Variants in THBS4 observed in about 807,000 individuals in gnomAD.
THBS4 encodes the protein thrombospondin-4.
THBS4 carries 90 observed loss-of-function variants against 115.7 expected under a neutral mutation model. The ratio of observed to expected loss-of-function variants is 0.78; its 90% CI spans 0.66 to 0.93. The LOEUF is 0.93. Ranked by LOEUF, THBS4 falls within the 40% of genes least tolerant of loss-of-function variation. The probability of loss-of-function intolerance (pLI) is 0.00; values close to 1 mark genes in which losing one functional copy is unlikely to be tolerated. For synonymous variants in THBS4, 460 were observed against 479.3 expected (o/e 0.96, Z 0.53); for missense variants, 1,087 against 1,232.7 (o/e 0.88, Z 1.77).
chr5:80,038,455 C>A (rs2112025461), intron 1 of THBS4, among the ~76,000 whole-genome samples: 1 of 152,028 alleles, frequency 6.6e-6, no homozygotes, highest in African/African-American at 2.4e-5. Flanking sequence ...AATATAGAAC[C>A]CTTAAGTTGT....
At chr5:80,055,277 G>A (rs529181136) in intron 2 of THBS4, among the ~76,000 whole-genome samples, 53 of 151,410 alleles carry the variant, frequency 3.5e-4, no homozygotes, top group Non-Finnish European at 6.2e-4. Flanking sequence ...AGCTGAGATC[G>A]TCCCACTGCA....
At chr5:80,074,626 CT>C (rs35937190) in intron 15 of THBS4, among the ~76,000 whole-genome samples, 10,045 of 142,378 alleles carry the variant, frequency 0.071, 419 homozygotes, top group Middle Eastern at 0.096. Context: ...CTCTCTCTCT[CT>C]TTTTTTTTTT....
At chr5:80,036,189 G>A (rs1832713269) in intron 1 of THBS4, 1 of 984,922 alleles carries the variant, frequency 1.0e-6, no homozygotes, top group Non-Finnish European at 1.2e-6. Context: ...TAAATAGGAA[G>A]GGCTGAGAAA....
At chr5:80,014,368 G>T (rs1021145263) in intron 2 of THBS4, among the ~76,000 whole-genome samples, 1 of 152,188 alleles carries the variant, frequency 6.6e-6, no homozygotes, top group Non-Finnish European at 1.5e-5. Flanking sequence ...CCCAACAGAG[G>T]TACTGATGAT....
intron 1 of THBS4, among the ~76,000 whole-genome samples, chr5:80,038,985 C>T (rs897445233): frequency 1.3e-5 from 2 of 152,168 alleles, no homozygotes; most frequent in African/African-American, 4.8e-5. Flanking sequence ...TTAGCAACTC[C>T]TGCATCATTA....
intron 4 of THBS4, 104 bp from the exon 5 acceptor site, chr5:80,058,604 G>A (rs150401388): frequency 9.9e-7 from 1 of 1,012,506 alleles, no homozygotes; most frequent in South Asian, 1.4e-5. Context: ...CTGGGTTTTT[G>A]AATCATCTTG....
chr5:80,082,898 C>G (rs1263257831), intron 21 of THBS4, among the ~76,000 whole-genome samples, 182 bp from the exon 22 acceptor site: 1 of 152,264 alleles, frequency 6.6e-6, no homozygotes, highest in Non-Finnish European at 1.5e-5. Context: ...GGAAGGAGCA[C>G]TCCTGGGCTT....
chr5:79,994,878 G>C (rs1035987345), intron 1 of THBS4, among the ~76,000 whole-genome samples: 15 of 152,228 alleles, frequency 9.9e-5, no homozygotes, highest in African/African-American at 3.6e-4. Context: ...AGTCTAGTAT[G>C]GTTTTAGACA....
intron 1 of THBS4, among the ~76,000 whole-genome samples, chr5:79,992,033 C>T (rs974945597): frequency 5.3e-5 from 8 of 152,160 alleles, no homozygotes; most frequent in East Asian, 3.8e-4. Context: ...GATGCTCTTC[C>T]GTCACTGTCT....
rs1176889351 is a variant in THBS4 at position 80,061,683 on chromosome 5, T to G, written c.988-12T>G. On this transcript the variant is annotated splice_polypyrimidine_tract_variant and intron_variant, in intron 7 of 21. Transcript: ENST00000350881. ...CGGTGTGGCTAAAGACTTTGAACTT[T>G]TTTGTCTCCAGTGCAAATACCATCC... The G allele has an allele frequency of 1.3e-6, 2 of 1,597,178 alleles. No homozygotes were observed. The highest frequency in any genetic ancestry group is 1.7e-6 in the Non-Finnish European group (2 of 1,170,118).
intron 2 of THBS4, among the ~76,000 whole-genome samples, chr5:80,012,623 C>T (rs1832149833): frequency 6.6e-6 from 1 of 152,038 alleles, no homozygotes; most frequent in Admixed American, 6.5e-5. Context: ...CTCACTTTTC[C>T]CCTCACAGGC....
At chr5:80,041,744 C>A (rs149362298) in intron 2 of THBS4, among the ~76,000 whole-genome samples, 2 of 152,258 alleles carry the variant, frequency 1.3e-5, no homozygotes, top group African/African-American at 4.8e-5. Context: ...ACACCTGTTC[C>A]TGTTTATTAA....
intron 1 of THBS4, among the ~76,000 whole-genome samples, chr5:79,996,300 A>C (rs1408351340): frequency 1.3e-5 from 2 of 152,262 alleles, no homozygotes; most frequent in Non-Finnish European, 2.9e-5. Flanking sequence ...TGCCTCTTTA[A>C]ACAGATATTC....
intron 12 of THBS4, 65 bp from the exon 13 acceptor site, chr5:80,070,956 T>C: frequency 6.2e-7 from 1 of 1,600,928 alleles, no homozygotes; most frequent in Non-Finnish European, 8.5e-7. Flanking sequence ...TGCTGATGCT[T>C]CACAACAATG....
chr5:80,006,164 A>G (rs557553819), intron 2 of THBS4, among the ~76,000 whole-genome samples: 1 of 152,288 alleles, frequency 6.6e-6, no homozygotes, highest in Admixed American at 6.5e-5. Flanking sequence ...TCATAGTTAT[A>G]AAATATGGAG....
At chr5:80,038,367 G>A (rs1299662269) in intron 1 of THBS4, among the ~76,000 whole-genome samples, 1 of 152,018 alleles carries the variant, frequency 6.6e-6, no homozygotes, top group African/African-American at 2.4e-5. Flanking sequence ...TTTCACATCT[G>A]TAAGTATTCA....
chr5:80,005,463 C>T (rs1831995826), intron 2 of THBS4, among the ~76,000 whole-genome samples: 1 of 152,124 alleles, frequency 6.6e-6, no homozygotes, highest in South Asian at 2.1e-4. Context: ...TAAGTTAATT[C>T]ACTTCTAATG....
chr5:80,029,310 T>C (rs924116123), intron 2 of THBS4, among the ~76,000 whole-genome samples: 1 of 152,222 alleles, frequency 6.6e-6, no homozygotes, highest in African/African-American at 2.4e-5. Flanking sequence ...TTGTTATCAT[T>C]AGACATTGCA....
intron 2 of THBS4, among the ~76,000 whole-genome samples, chr5:80,048,838 G>A (rs1313601902): frequency 1.3e-5 from 2 of 152,222 alleles, no homozygotes; most frequent in East Asian, 3.8e-4. Flanking sequence ...TATAGGGCAT[G>A]AAGATGAATA....
Sources: gnomAD v4.1 joint callset for allele counts (sites outside exome capture counted in the v4.1 genomes callset) on GRCh38, gnomAD v4.1.1 for gene constraint, MANE v1.5 for transcripts, NCBI Gene and HGNC (gene_info 2026-07-23, HGNC 2026-07-21) for gene names.